The following MYBPC3 variants were observed in gnomAD, a reference collection of about 807,000 sequenced individuals.
The protein encoded by MYBPC3 is myosin binding protein C3, also known as myosin-binding protein C, cardiac-type.
Under a neutral mutation model 159.3 loss-of-function variants are expected in MYBPC3, and 108 were observed. The ratio of observed to expected loss-of-function variants is 0.68; its 90% CI spans 0.58 to 0.80. MYBPC3 has a LOEUF of 0.80. Among genes scored for constraint, MYBPC3 ranks in the 30% least tolerant of loss-of-function variants. The pLI is 0.00. For synonymous variants in MYBPC3, 730 were observed against 702.0 expected (o/e 1.04, Z -0.63); for missense variants, 1,631 against 1,762.1 (o/e 0.93, Z 1.33).
chr11:47,338,424 C>T lies in MYBPC3; in HGVS notation c.2308+96G>A. On this transcript the variant is annotated intron_variant, in intron 23 of 34. Transcript: ENST00000545968. The surrounding 1 kb of genome is among the most constrained non-coding windows in gnomAD (Gnocchi z 4.7). ...TTGCCGCTCGGCTCAGGGAGCATGCCCGTGATGTTTGTCGAGTGGCTGAAT... is the reference window on the plus strand; with the variant it reads ...TTGCCGCTCGGCTCAGGGAGCATGCTCGTGATGTTTGTCGAGTGGCTGAAT... 1 of 1,554,926 alleles carries T rather than the reference C, an allele frequency of 6.4e-7. No individual in the cohort carries two copies. The highest frequency in any genetic ancestry group is 2.3e-5 in the East Asian group (1 of 44,100).
In MYBPC3 at chr11:47,346,385, C is replaced by G; in HGVS notation, c.927-15G>C. 2 of 1,555,720 alleles carry G rather than the reference C, an allele frequency of 1.3e-6. No individual in the cohort carries two copies. Among genetic ancestry groups the G allele is most frequent in the South Asian group, 1.2e-5 (1 of 82,982 alleles). ...GCTTCGAGTCCCTGTGTCCCGCAGTCTAGGCTGTGGCCGGGGGCAAGACTG... is the reference window on the plus strand; with the variant it reads ...GCTTCGAGTCCCTGTGTCCCGCAGTGTAGGCTGTGGCCGGGGGCAAGACTG... On this transcript the variant is annotated splice_polypyrimidine_tract_variant and intron_variant, in intron 11 of 34. Transcript: ENST00000545968. This position sits in a 1 kb window ranked among gnomAD's most constrained non-coding sequence, Gnocchi z 5.3.
chr11:47,337,957 T>C (rs1251783731), intron 23 of MYBPC3, among the ~76,000 whole-genome samples, 163 bp from the exon 24 acceptor site: 3 of 148,740 alleles, frequency 2.0e-5, no homozygotes, highest in Non-Finnish European at 4.5e-5. Context: ...TTTTCCTTTT[T>C]TTTTTTTTTT....
At position 47,343,031 on chromosome 11, in the gene MYBPC3, G is replaced by C. The variant is rs1265275457; in HGVS notation, c.1341C>G (p.Leu447=). Residue 447 remains leucine (L), a synonymous_variant, in exon 15 of 35, where the codon CTC becomes CTG. Coordinates refer to ENST00000545968, the MANE Select transcript of MYBPC3 (RefSeq NM_000256.3). ...AGGTCCCAGGCCCACCTTTCACAAA[G>C]AGCTCCGTGCTACACTTCTCGCCAC... The part of the protein sequence containing the change: ...VVGGEKCSTE[L]FVKEPPVLIT... The C allele has an allele frequency of 6.2e-7, 1 of 1,613,174 alleles. No individual in the cohort carries two copies. The highest frequency in any genetic ancestry group is 8.5e-7 in the Non-Finnish European group (1 of 1,179,770).
chr11:47,342,079 CCT>C lies in MYBPC3; in HGVS notation c.1700_1701del (p.Glu567GlyfsTer4), dbSNP rs727503197. On this transcript the variant is annotated frameshift_variant, in exon 18 of 35. Transcript: ENST00000545968. LOFTEE classifies it high-confidence loss of function. ...ACACCCCGAACATTCTCATCTGAGA[CCT>C]CACATTTGAACACCGCCTGGTCCTT... ...GAKDQAVFKC[E>X]VSDENVRGVW... 6.2e-7 allele frequency: 1 copy of C among 1,613,784 alleles called. No individual in the cohort carries two copies. The highest frequency in any genetic ancestry group is 8.5e-7 in the Non-Finnish European group (1 of 1,179,850).
At chr11:47,349,554 C>T (rs548085954) in intron 5 of MYBPC3, among the ~76,000 whole-genome samples, 4 of 152,082 alleles carry the variant, frequency 2.6e-5, no homozygotes, top group South Asian at 4.2e-4. Flanking sequence ...CCCAGGTCCC[C>T]GACAGTGCTC....
rs1368781650 is a variant in MYBPC3, at chr11:47,332,937, G to A, written c.3367C>T (p.His1123Tyr). 1.2e-6 allele frequency: 2 copies of A among 1,610,694 alleles called. No individual in the cohort carries two copies. The highest frequency in any genetic ancestry group is 2.2e-5 in the South Asian group (2 of 90,218). ...ATGATGAGCTCTGGCACCACGCAGT[G>A]GGTGCGGCGGTAATGCTCCAAGACG... ...FTVLEHYRRT[H>Y]CVVPELIIGN... The change falls in exon 31 of 35, where the codon CAC (histidine) becomes TAC (tyrosine). Residue 1123 changes from histidine (H) to tyrosine (Y), a missense_variant. His to Tyr is a moderately conservative substitution (Grantham distance 83). Transcript: ENST00000545968. This position sits in a 1 kb window ranked among gnomAD's most constrained non-coding sequence, Gnocchi z 4.2.
Position 47,342,653 on chromosome 11 carries a change from C to T in MYBPC3, c.1549G>A (p.Ala517Thr). 6.2e-7 allele frequency: 1 copy of T among 1,614,038 alleles called. No homozygotes were observed. Among genetic ancestry groups the T allele is most frequent in the Non-Finnish European group, 8.5e-7 (1 of 1,179,884 alleles). ...TAGTGCCCCGCGTCCTCCAGCATGGCCTCGTTGATGATCAGGTGGTGTCTC... is the reference window on the plus strand; with the variant it reads ...TAGTGCCCCGCGTCCTCCAGCATGGTCTCGTTGATGATCAGGTGGTGTCTC... ...GQRHHLIINEAMLEDAGHYAL... is the reference protein window; with the variant it reads ...GQRHHLIINETMLEDAGHYAL... The change falls in exon 17 of 35, where the codon GCC (alanine) becomes ACC (threonine). Residue 517 changes from alanine to threonine, a missense_variant. Ala to Thr is a moderately conservative substitution (Grantham distance 58). Transcript: ENST00000545968.
At position 47,346,726 on chromosome 11, in the gene MYBPC3, C is replaced by T. The variant is rs2095894546; in HGVS notation, c.909-82G>A. 3.6e-6 allele frequency: 5 copies of T among 1,402,682 alleles called. No individual in the cohort carries two copies. The highest frequency in any genetic ancestry group is 2.4e-5 in the East Asian group (1 of 40,966). The allele number at this position is 1,402,682 out of a possible 1,614,324, so 86.9% of individuals were successfully genotyped here. On this transcript the variant is annotated intron_variant, in intron 10 of 34. Coordinates refer to ENST00000545968, the MANE Select transcript of MYBPC3 (RefSeq NM_000256.3). This position sits in a 1 kb window ranked among gnomAD's most constrained non-coding sequence, Gnocchi z 5.3. Reference sequence around the variant, plus strand: ...CCTTCCCTCAAAGACCTGGACCCCACCCATGGGCCTTTACTTCCTCCCTAT... The same window carrying T: ...CCTTCCCTCAAAGACCTGGACCCCATCCATGGGCCTTTACTTCCTCCCTAT...
rs769985511 is a variant in MYBPC3, at chr11:47,343,504, T to G, written c.1211A>C (p.Gln404Pro). The change falls in exon 13 of 35, where the codon CAG (glutamine) becomes CCG (proline). Residue 404 changes from glutamine to proline, a missense_variant. Physicochemically the swap from Gln to Pro is moderately conservative, Grantham distance 76 (BLOSUM62 -1). Transcript: ENST00000545968. ...VKWLKNGQEI[Q>P]MSGSKYIFES... ...CCCCAGGCTGCACCTGCCGCTCATC[T>G]GGATCTCCTGGCCATTCTTGAGCCA... The G allele has an allele frequency of 6.6e-7, 1 of 1,511,060 alleles. No individual in the cohort carries two copies. Among genetic ancestry groups the G allele is most frequent in the Non-Finnish European group, 8.9e-7 (1 of 1,117,348 alleles). The allele number at this position is 1,511,060 out of a possible 1,614,324, so 93.6% of individuals were successfully genotyped here.
chr11:47,336,029 C>A lies in MYBPC3; in HGVS notation c.2603-18G>T. ...GGGGGGACCTGGGCAGAGGAGAGGTCAGAGAGGGGTCTGAGCAAGCCTGGG... is the reference window on the plus strand; with the variant it reads ...GGGGGGACCTGGGCAGAGGAGAGGTAAGAGAGGGGTCTGAGCAAGCCTGGG... On this transcript the variant is annotated intron_variant, in intron 25 of 34. Transcript: ENST00000545968. The A allele has an allele frequency of 6.8e-7, 1 of 1,472,268 alleles. No individual in the cohort carries two copies. The allele number at this position is 1,472,268 out of a possible 1,614,324, so 91.2% of individuals were successfully genotyped here.
In MYBPC3 at chr11:47,338,809, GCATCTAGTT is replaced by G; in HGVS notation, c.2149-139_2149-131del. 1 of 1,158,246 alleles carries G rather than the reference GCATCTAGTT, an allele frequency of 8.6e-7. No homozygotes were observed. Among genetic ancestry groups the G allele is most frequent in the Non-Finnish European group, 1.2e-6 (1 of 845,104 alleles). 71.7% of individuals were successfully genotyped at this position (1,158,246 alleles called of 1,614,324 possible). ...CTGTGGGAAGACTGCATCCACGTCA[GCATCTAGTT>G]CAAAATCATCTCTGTGGCACCGACT... On this transcript the variant is annotated intron_variant, in intron 22 of 34. Coordinates refer to ENST00000545968, the MANE Select transcript of MYBPC3 (RefSeq NM_000256.3). The surrounding 1 kb of genome is among the most constrained non-coding windows in gnomAD (Gnocchi z 4.7).
At position 47,337,489 on chromosome 11, in the gene MYBPC3, C is replaced by A. The variant is rs527305885; in HGVS notation, c.2504G>T (p.Arg835Leu). The A allele has an allele frequency of 2.2e-5, 36 of 1,613,966 alleles. No individual in the cohort carries two copies. In the East Asian group the frequency reaches 7.1e-4, roughly 32 times the overall value. The change falls in exon 25 of 35, where the codon CGC becomes CTC. Residue 835 changes from arginine to leucine, a missense_variant. By Grantham distance (102) the Arg-to-Leu change is moderately radical. Transcript: ENST00000545968. ...LIQELSHEAR[R>L]MIEGVVYEMR... ...CTCGTACACCACGCCCTCGATCATG[C>A]GCCGCGCTTCATGACTCAGCTCCTG...
At position 47,346,135 on chromosome 11, in the gene MYBPC3, A is replaced by G. The variant is rs1195496061; in HGVS notation, c.1090+72T>C. 6.3e-7 allele frequency: 1 copy of G among 1,577,988 alleles called. No individual in the cohort carries two copies. The highest frequency in any genetic ancestry group is 8.6e-7 in the Non-Finnish European group (1 of 1,156,160). On this transcript the variant is annotated intron_variant, in intron 12 of 34. Coordinates refer to ENST00000545968, the MANE Select transcript of MYBPC3 (RefSeq NM_000256.3). The surrounding 1 kb of genome is among the most constrained non-coding windows in gnomAD (Gnocchi z 5.3). ...CTCCCCTGTGGGGAAGGGCTAACCT[A>G]TGCCCTCTCCTCTCCTGTGTAGGGA...
rs375552602 is a variant in MYBPC3 at position 47,333,696 on chromosome 11, C to T, written c.3051G>A (p.Glu1017=). 1 of 1,610,554 alleles carries T rather than the reference C, an allele frequency of 6.2e-7. No individual in the cohort carries two copies. Among genetic ancestry groups the T allele is most frequent in the Non-Finnish European group, 8.5e-7 (1 of 1,179,182 alleles). The change falls in exon 29 of 35, where the codon GAG becomes GAA. Residue 1017 remains glutamate (E), a synonymous_variant. Coordinates refer to ENST00000545968, the MANE Select transcript of MYBPC3 (RefSeq NM_000256.3). ...WTKEGQPLAG[E]EVSIRNSPTD... is the part of the protein sequence containing the mutation. ...TGGGGCTGTTGCGGATGCTCACCTC[C>T]TCGCCTGCCAGGGGCTGCCCCTCTT...
intron 9 of MYBPC3, 41 bp from the exon 10 acceptor site, chr11:47,347,070 G>A: frequency 2.3e-6 from 2 of 860,190 alleles, no homozygotes; most frequent in Non-Finnish European, 3.9e-6. Context: ...GGGGCCGGGG[G>A]AGAGGGAGAG....
chr11:47,350,868 A>G (rs2095900035), intron 2 of MYBPC3, among the ~76,000 whole-genome samples: 1 of 152,142 alleles, frequency 6.6e-6, no homozygotes, highest in Non-Finnish European at 1.5e-5. Context: ...CTCCAGGTCC[A>G]TCCCTGCTCT....
intron 17 of MYBPC3, 35 bp downstream of exon 17, chr11:47,342,543 C>A: frequency 6.5e-7 from 1 of 1,530,032 alleles, no homozygotes; most frequent in Non-Finnish European, 8.8e-7. Context: ...GGGTCCAAGC[C>A]CTAAAGCCTC....
intron 33 of MYBPC3, 73 bp downstream of exon 33, chr11:47,331,999 G>C (rs1248463893): frequency 6.3e-6 from 10 of 1,594,670 alleles, no homozygotes; most frequent in Non-Finnish European, 7.7e-6. Flanking sequence ...CGAGGACAAC[G>C]GAGCAAAGCC....
chr11:47,340,492 G>A (rs986125348), intron 20 of MYBPC3, among the ~76,000 whole-genome samples: 9 of 152,050 alleles, frequency 5.9e-5, no homozygotes, highest in Admixed American at 4.6e-4. Context: ...GTGAAACCCC[G>A]TCTCTACTAA....
Sources: allele counts gnomAD v4.1 joint callset (sites outside exome capture counted in the v4.1 genomes callset), GRCh38; gene constraint gnomAD v4.1.1; non-coding constraint Gnocchi (gnomAD v3.1); transcripts MANE v1.5; gene names NCBI Gene and HGNC (gene_info 2026-07-23, HGNC 2026-07-21).